The following OOSP3 variants were observed in gnomAD, a reference collection of about 807,000 sequenced individuals.
OOSP3 encodes the protein oocyte secreted protein family member 3, also known as oocyte-secreted protein 3.
intron 2 of OOSP3, among the ~76,000 whole-genome samples, chr11:59,892,900 T>A (rs1443671475): frequency 1.3e-5 from 2 of 152,204 alleles, no homozygotes; most frequent in Non-Finnish European, 2.9e-5. Context: ...GAATAAATGC[T>A]CCTTGAATTG....
chr11:59,881,218 C>A (rs1188637595), intron 2 of OOSP3, among the ~76,000 whole-genome samples: 1 of 152,078 alleles, frequency 6.6e-6, no homozygotes, highest in Non-Finnish European at 1.5e-5. Flanking sequence ...AAAAAATTAG[C>A]CAGGCATGGT....
intron 2 of OOSP3, among the ~76,000 whole-genome samples, chr11:59,883,180 T>C (rs1386395112): frequency 6.6e-6 from 1 of 152,192 alleles, no homozygotes; most frequent in Admixed American, 6.5e-5. Context: ...CAATGAAAGG[T>C]CTAGCAATCA....
chr11:59,888,230 A>T (rs947438711), intron 2 of OOSP3, among the ~76,000 whole-genome samples: 1 of 152,216 alleles, frequency 6.6e-6, no homozygotes, highest in African/African-American at 2.4e-5. Context: ...TAGATATAGG[A>T]TCACATCATC....
rs1217985200 is a variant in OOSP3, at chr11:59,887,112, T to G, written c.252+6673T>G. On this transcript the variant is annotated intron_variant, in intron 2 of 4. Transcript: ENST00000646438. ...ACCCCTTTGCCCACTTTTTAATGGTTTTTTTTTTGTTGTTTTTTTTTTTGT... is the reference window on the plus strand; with the variant it reads ...ACCCCTTTGCCCACTTTTTAATGGTGTTTTTTTTGTTGTTTTTTTTTTTGT... 8.2e-3 allele frequency among the ~76,000 whole-genome samples: 1,154 copies of G among 141,560 alleles called. 17 individuals are homozygous for G. Among genetic ancestry groups the G allele is most frequent in the African/African-American group, 0.033 (1,085 of 32,828 alleles). 92.9% of individuals were successfully genotyped at this position (141,560 alleles called of 152,430 possible). A position where few individuals can be genotyped will look rare whatever the true frequency, so the allele number is the denominator to read the frequency against.
intron 2 of OOSP3, among the ~76,000 whole-genome samples, chr11:59,889,281 T>G (rs2134529951): frequency 6.6e-6 from 1 of 151,976 alleles, no homozygotes; most frequent in East Asian, 1.9e-4. Flanking sequence ...TTTTGAAGGG[T>G]TTTTCATGTC....
chr11:59,886,458 A>G (rs897328568), intron 2 of OOSP3, among the ~76,000 whole-genome samples: 4 of 152,238 alleles, frequency 2.6e-5, no homozygotes, highest in Non-Finnish European at 4.4e-5. Context: ...AGAATGATTT[A>G]CATTCTTTTG....
intron 2 of OOSP3, among the ~76,000 whole-genome samples, chr11:59,890,152 T>C (rs1015522536): frequency 6.6e-6 from 1 of 152,206 alleles, no homozygotes; most frequent in Non-Finnish European, 1.5e-5. Flanking sequence ...CATCCCTTTA[T>C]TTTTATCCTA....
At position 59,881,954 on chromosome 11, in the gene OOSP3, G is replaced by A. The variant is rs80188202; in HGVS notation, c.252+1515G>A. Among the ~76,000 whole-genome samples, 458 of 152,338 alleles carry A rather than the reference G, an allele frequency of 3.0e-3. 1 individual carries two copies. The highest frequency in any genetic ancestry group is 4.7e-3 in the Non-Finnish European group (319 of 68,030). The stretch of plus-strand genomic sequence containing the variant: ...AACCACACTCTCCATTTAGAGGTAT[G>A]TGTGTCCTATACAAACAATTCTGAT... On this transcript the variant is annotated intron_variant, in intron 2 of 4. Coordinates refer to ENST00000646438, the Ensembl canonical transcript of OOSP3.
chr11:59,880,921 A>G (rs768012595), intron 2 of OOSP3, among the ~76,000 whole-genome samples: 1 of 152,166 alleles, frequency 6.6e-6, no homozygotes, highest in Non-Finnish European at 1.5e-5. Context: ...AAGTCAGAGG[A>G]AAAAAACATC....
In OOSP3 at chr11:59,878,947, T is replaced by C. The variant is rs1590871410; in HGVS notation, c.73+66T>C. The C allele has an allele frequency of 4.3e-5, 17 of 398,170 alleles. No homozygotes were observed. In the East Asian group the frequency reaches 6.1e-4, roughly 14 times the overall value. The allele number at this position is 398,170 out of a possible 1,614,324, so 24.7% of individuals were successfully genotyped here. ...TTCTTAGCGGTTGTGGGCCTTTTAC[T>C]GTTTGCTGTTTTGAGTGGAAGTGAC... On this transcript the variant is annotated intron_variant, in intron 1 of 4. Coordinates refer to ENST00000646438, the Ensembl canonical transcript of OOSP3.
At chr11:59,882,521 A>G (rs1394289621) in intron 2 of OOSP3, among the ~76,000 whole-genome samples, 2 of 152,082 alleles carry the variant, frequency 1.3e-5, no homozygotes, top group Non-Finnish European at 2.9e-5. Context: ...TGGTGGCTTC[A>G]TTTCTTTCTT....
intron 2 of OOSP3, among the ~76,000 whole-genome samples, chr11:59,888,228 G>A (rs1853279911): frequency 6.6e-6 from 1 of 152,090 alleles, no homozygotes; most frequent in African/African-American, 2.4e-5. Flanking sequence ...TCTAGATATA[G>A]GATCACATCA....
chr11:59,883,827 C>A (rs896597121), intron 2 of OOSP3, among the ~76,000 whole-genome samples: 2 of 152,178 alleles, frequency 1.3e-5, no homozygotes, highest in Non-Finnish European at 2.9e-5. Flanking sequence ...AAGTAACCTA[C>A]AAAAGGTCAT....
At chr11:59,892,395 G>A (rs1853320207) in intron 2 of OOSP3, among the ~76,000 whole-genome samples, 1 of 151,942 alleles carries the variant, frequency 6.6e-6, no homozygotes, top group Non-Finnish European at 1.5e-5. Context: ...ACCTCAGTTG[G>A]AAATGCAGAA....
intron 1 of OOSP3, among the ~76,000 whole-genome samples, chr11:59,879,318 T>C (rs1000930355): frequency 6.6e-6 from 1 of 152,186 alleles, no homozygotes; most frequent in Non-Finnish European, 1.5e-5. Context: ...CTTCATTTTT[T>C]CTCCTTTCAC....
intron 1 of OOSP3, among the ~76,000 whole-genome samples, chr11:59,879,465 G>C (rs1181038638): frequency 1.3e-5 from 2 of 151,176 alleles, no homozygotes; most frequent in African/African-American, 2.4e-5. Context: ...CAAAGTTATT[G>C]GGTAGAAATA....
chr11:59,885,063 G>A (rs1853240494), intron 2 of OOSP3, among the ~76,000 whole-genome samples: 1 of 152,106 alleles, frequency 6.6e-6, no homozygotes, highest in Non-Finnish European at 1.5e-5. Context: ...CTTTGGTTGT[G>A]GAGAGTTTTT....
At chr11:59,894,305 C>T (rs972504593) in intron 3 of OOSP3, 129 bp downstream of exon 3, 2 of 393,018 alleles carry the variant, frequency 5.1e-6, no homozygotes, top group Non-Finnish European at 9.0e-6. Context: ...TTTCTCTGTG[C>T]AATGATGAGG....
At chr11:59,894,719 GAAATCCAAGTAAGATGGTA>G (rs1425547888) in intron 3 of OOSP3, among the ~76,000 whole-genome samples, 10 of 152,132 alleles carry the variant, frequency 6.6e-5, no homozygotes, top group African/African-American at 2.4e-4. Context: ...CTGCTTTTGG[GAAATCCAAGTAAGATGGTA>G]AAATGAGTTA....
Sources: allele counts gnomAD v4.1 joint callset (sites outside exome capture counted in the v4.1 genomes callset), GRCh38; gene constraint gnomAD v4.1.1; transcripts MANE v1.5; gene names NCBI Gene and HGNC (gene_info 2026-07-23, HGNC 2026-07-21).